Variants in LOXHD1 observed in about 807,000 individuals in gnomAD.
The protein encoded by LOXHD1 is lipoxygenase homology domain-containing protein 1.
Under a neutral mutation model 248.2 loss-of-function variants are expected in LOXHD1, and 205 were observed. The ratio of observed to expected loss-of-function variants is 0.83; its 90% CI spans 0.74 to 0.93. LOXHD1 has a LOEUF of 0.93. Ranked by LOEUF, LOXHD1 falls within the 40% of genes least tolerant of loss-of-function variation. The pLI, the probability that LOXHD1 is intolerant of heterozygous loss-of-function variation, is 0.00. For missense variants in LOXHD1, 2,930 were observed against 2,971.6 expected, an observed-to-expected ratio of 0.99 and a Z score of 0.33; for synonymous variants, 1,113 against 1,162.8, an observed-to-expected ratio of 0.96 and a Z score of 0.87.
chr18:46,557,167 T>C lies in LOXHD1; in HGVS notation c.3350+189A>G, dbSNP rs117206082. On this transcript the variant is annotated intron_variant, in intron 21 of 40. Transcript: ENST00000642948. ...CATACCCGCCCACCCTCATTCTCAGTGCACCCCAGTCCACCCTTACTTTTG... is the reference window on the plus strand; with the variant it reads ...CATACCCGCCCACCCTCATTCTCAGCGCACCCCAGTCCACCCTTACTTTTG... Among the ~76,000 whole-genome samples the C allele has an allele frequency of 7.4e-4, 92 of 125,076 alleles. 1 individual carries two copies. In the East Asian group the frequency reaches 0.022, roughly 29 times the overall value. The allele number at this position is 125,076 out of a possible 152,430, so 82.1% of individuals were successfully genotyped here.
intron 34 of LOXHD1, among the ~76,000 whole-genome samples, chr18:46,512,075 C>T (rs1291783224): frequency 6.6e-6 from 1 of 152,094 alleles, no homozygotes; most frequent in Non-Finnish European, 1.5e-5. Flanking sequence ...GATAATAGCC[C>T]TTCCATAAAG....
rs1303024132 is a variant in LOXHD1 at position 46,601,504 on chromosome 18, T to A, written c.884-37A>T. The A allele has an allele frequency of 6.4e-6, 10 of 1,551,610 alleles. 1 individual carries two copies. The South Asian group carries it at 1.2e-4, about 18-fold the overall frequency. On this transcript the variant is annotated intron_variant, in intron 7 of 40. Coordinates refer to ENST00000642948, the MANE Select transcript of LOXHD1 (RefSeq NM_001384474.1). ...ACAACAGGAAAGAGAGTGTTCAATGTGAGCTGCATCATAATATCCCACCCC... is the reference window on the plus strand; with the variant it reads ...ACAACAGGAAAGAGAGTGTTCAATGAGAGCTGCATCATAATATCCCACCCC...
intron 40 of LOXHD1, among the ~76,000 whole-genome samples, chr18:46,479,002 T>C (rs1429571213): frequency 6.6e-6 from 1 of 152,158 alleles, no homozygotes; most frequent in Non-Finnish European, 1.5e-5. Flanking sequence ...ACAGCTGTGC[T>C]TTCCTTTCTC....
At chr18:46,607,232 T>C (rs2038428661) in intron 6 of LOXHD1, among the ~76,000 whole-genome samples, 1 of 151,738 alleles carries the variant, frequency 6.6e-6, no homozygotes, top group Admixed American at 6.6e-5. Flanking sequence ...TGGGGATATA[T>C]GCATGCTATA....
chr18:46,618,272 T>C lies in LOXHD1; in HGVS notation c.530A>G (p.Lys177Arg), dbSNP rs1221174076. The C allele has an allele frequency of 6.4e-7, 1 of 1,550,906 alleles. No homozygotes were observed. The highest frequency in any genetic ancestry group is 1.2e-5 in the South Asian group (1 of 84,048). Reference sequence around the variant, plus strand: ...ACCAATTACATCACCAGTGTATACCTTGACTTCATACTTATTACCTAGGAA... The same window carrying C: ...ACCAATTACATCACCAGTGTATACCCTGACTTCATACTTATTACCTAGGAA... ...DMPRGNKYEV[K>R]VYTGDVIGAG... The change falls in exon 5 of 41, where the codon AAG becomes AGG. Residue 177 changes from lysine (K) to arginine (R), a missense_variant. By Grantham distance (26) the Lys-to-Arg change is conservative. Coordinates refer to ENST00000642948, the MANE Select transcript of LOXHD1 (RefSeq NM_001384474.1).
chr18:46,609,749 C>A (rs1042507504), intron 6 of LOXHD1, among the ~76,000 whole-genome samples: 1 of 152,100 alleles, frequency 6.6e-6, no homozygotes, highest in Non-Finnish European at 1.5e-5. Flanking sequence ...CATTACAGTG[C>A]CTCTTTCCCC....
At chr18:46,479,763 G>GAAAAAAAAAAAAAAA (rs11366561) in intron 40 of LOXHD1, among the ~76,000 whole-genome samples, 1 of 126,000 alleles carries the variant, frequency 7.9e-6, no homozygotes, top group African/African-American at 3.4e-5. Context: ...ATTCTTAACA[G>GAAAAAAAAAAAAAAA]AAAAAAAAAA....
intron 8 of LOXHD1, among the ~76,000 whole-genome samples, chr18:46,595,339 C>T (rs2038241186): frequency 6.6e-6 from 1 of 152,090 alleles, no homozygotes; most frequent in Non-Finnish European, 1.5e-5. Context: ...GGAGTATGTA[C>T]CCCTTCAAAC....
At chr18:46,486,088 T>C (rs922016957) in intron 38 of LOXHD1, among the ~76,000 whole-genome samples, 21 of 151,846 alleles carry the variant, frequency 1.4e-4, no homozygotes, top group Non-Finnish European at 2.6e-4. Flanking sequence ...TGCTACCTGA[T>C]CCCCCTAAGC....
At chr18:46,529,386 C>T (rs1042490718) in intron 28 of LOXHD1, 55 bp from the exon 29 acceptor site, 4 of 1,491,286 alleles carry the variant, frequency 2.7e-6, no homozygotes, top group Non-Finnish European at 3.6e-6. Context: ...GGTGACAGCG[C>T]TTTAGGTCTT....
intron 5 of LOXHD1, among the ~76,000 whole-genome samples, chr18:46,612,847 A>G (rs962549881): frequency 1.3e-5 from 2 of 152,168 alleles, no homozygotes; most frequent in Non-Finnish European, 2.9e-5. Context: ...TTCAAATACC[A>G]GTAATCGAAC....
intron 1 of LOXHD1, among the ~76,000 whole-genome samples, chr18:46,654,799 A>C (rs1408352705): frequency 6.6e-6 from 1 of 152,218 alleles, no homozygotes; most frequent in Non-Finnish European, 1.5e-5. Context: ...CCACATTTAT[A>C]GGCAGTACCC....
intron 5 of LOXHD1, among the ~76,000 whole-genome samples, chr18:46,612,500 G>A (rs138219153): frequency 3.9e-5 from 6 of 152,030 alleles, no homozygotes; most frequent in African/African-American, 1.2e-4. Context: ...AATATATTTT[G>A]GCCATTTAGG....
chr18:46,521,340 C>T, intron 32 of LOXHD1, 58 bp from the exon 33 acceptor site: 1 of 1,526,434 alleles, frequency 6.6e-7, no homozygotes, highest in South Asian at 1.2e-5. Context: ...AGGAAGTGCT[C>T]CCTGCCCAGC....
At chr18:46,501,775 C>T (rs915086497) in intron 37 of LOXHD1, among the ~76,000 whole-genome samples, 2 of 152,158 alleles carry the variant, frequency 1.3e-5, no homozygotes, top group African/African-American at 4.8e-5. Context: ...TGAGAGCCAG[C>T]TGTAATTGAT....
chr18:46,559,673 C>G (rs1044149494), intron 19 of LOXHD1, 71 bp from the exon 20 acceptor site: 12 of 1,491,176 alleles, frequency 8.0e-6, no homozygotes, highest in Non-Finnish European at 1.1e-5. Context: ...GGCACAGCCT[C>G]TCAGATCCAG....
At chr18:46,635,764 TAA>T (rs2038885043) in intron 4 of LOXHD1, among the ~76,000 whole-genome samples, 1 of 152,244 alleles carries the variant, frequency 6.6e-6, no homozygotes, top group African/African-American at 2.4e-5. Context: ...AATAAATTTA[TAA>T]GTTAATGTAA....
rs1598874243 is a variant in LOXHD1, at chr18:46,507,643, T to C, written c.5587A>G (p.Lys1863Glu). The C allele has an allele frequency of 1.3e-6, 2 of 1,551,720 alleles. No homozygotes were observed. The highest frequency in any genetic ancestry group is 8.7e-7 in the Non-Finnish European group (1 of 1,146,976). ...TCACACACCAGGGTCTTCTTGCCCTTCCGCTGGGACAGCCAGTCTCCATAG... is the reference window on the plus strand; with the variant it reads ...TCACACACCAGGGTCTTCTTGCCCTCCCGCTGGGACAGCCAGTCTCCATAG... ...FYYGDWLSQR[K>E]GKKTLVCEMC... The change falls in exon 36 of 41, where the codon AAG (lysine) becomes GAG (glutamate). Residue 1863 changes from lysine to glutamate, a missense_variant. Transcript: ENST00000642948.
chr18:46,518,772 C>T (rs999168330), intron 33 of LOXHD1: 9 of 588,284 alleles, frequency 1.5e-5, no homozygotes, highest in Non-Finnish European at 1.9e-5. Context: ...GCCACCTGTG[C>T]AGCCCCAAGC....
Sources: allele counts gnomAD v4.1 joint callset (sites outside exome capture counted in the v4.1 genomes callset), GRCh38; gene constraint gnomAD v4.1.1; transcripts MANE v1.5; gene names NCBI Gene and HGNC (gene_info 2026-07-23, HGNC 2026-07-21).